TENM1: variants seen among roughly 807,000 people sequenced by gnomAD.
The protein encoded by TENM1 is teneurin transmembrane protein 1, also known as teneurin-1.
TENM1 carries 35 observed loss-of-function variants against 174.8 expected under a neutral mutation model. That is an observed-to-expected ratio of 0.20 (90% CI 0.15 to 0.27). The LOEUF (loss-of-function observed/expected upper bound fraction) is 0.27. Ranked by LOEUF, TENM1 falls within the 10% of genes least tolerant of loss-of-function variation. TENM1 has a pLI of 1.00. For synonymous variants in TENM1, 781 were observed against 798.7 expected (o/e 0.98, Z 0.37); for missense variants, 1,633 against 2,130.1 (o/e 0.77, Z 4.59).
chrX:124,817,437 G>C (rs1212099173), intron 3 of TENM1, among the ~76,000 whole-genome samples: 1 of 111,684 alleles, frequency 9.0e-6, no homozygotes, highest in African/African-American at 3.3e-5. Flanking sequence ...ATGTATTCCT[G>C]AAGCAAGTTA....
At chrX:124,615,015 T>C (rs2050367098) in intron 11 of TENM1, among the ~76,000 whole-genome samples, 1 of 112,226 alleles carries the variant, frequency 8.9e-6, no homozygotes, top group Admixed American at 9.4e-5. Flanking sequence ...AACTATAAAC[T>C]ACCCAATATT....
chrX:125,088,076 T>C, the TENM1 span, among the ~76,000 whole-genome samples: 1 of 111,344 alleles, frequency 9.0e-6, no homozygotes, highest in African/African-American at 3.3e-5. Flanking sequence ...AAGGCCAGCA[T>C]TATCAGTGAT....
At chrX:124,538,643 C>G (rs1266360761) in intron 15 of TENM1, among the ~76,000 whole-genome samples, 1 of 111,486 alleles carries the variant, frequency 9.0e-6, no homozygotes, top group Non-Finnish European at 1.9e-5. Context: ...AGCAAGTAGA[C>G]TTAGAGGTCT....
At chrX:124,685,422 C>T (rs2052336779) in intron 5 of TENM1, among the ~76,000 whole-genome samples, 1 of 111,283 alleles carries the variant, frequency 9.0e-6, no homozygotes, top group African/African-American at 3.3e-5. Context: ...CCATCAACAG[C>T]TTCAACAATA....
rs192647594 is a variant in TENM1 at position 124,933,297 on chromosome X, G to A, written c.217+30240C>T. 1.6e-3 allele frequency among the ~76,000 whole-genome samples: 185 copies of A among 112,208 alleles called. 1 individual carries two copies. Among genetic ancestry groups the A allele is most frequent in the African/African-American group, 5.6e-3 (174 of 30,899 alleles). On this transcript the variant is annotated intron_variant, in intron 1 of 31. Transcript: ENST00000422452. ...GCCAAAAGGCCAGCAGCCAAAGGAA[G>A]AAAGGCACACAAAATACAATTGGGA...
chrX:124,684,747 A>G (rs1324161733), intron 5 of TENM1, among the ~76,000 whole-genome samples: 1 of 111,660 alleles, frequency 9.0e-6, no homozygotes, highest in Non-Finnish European at 1.9e-5. Context: ...ATCCAAACTC[A>G]TCATAGCACA....
At chrX:124,808,030 A>G (rs1270938473) in intron 3 of TENM1, among the ~76,000 whole-genome samples, 1 of 110,995 alleles carries the variant, frequency 9.0e-6, no homozygotes, top group East Asian at 2.8e-4. Context: ...TAGTCAAAAA[A>G]CAGAGTGTCT....
chrX:125,169,706 A>G, the TENM1 span, among the ~76,000 whole-genome samples: 17 of 111,436 alleles, frequency 1.5e-4, no homozygotes, highest in Admixed American at 3.8e-4. Flanking sequence ...TCAGAAACAT[A>G]TAAGAGAAGT....
chrX:124,381,129 C>A, exon 32 of TENM1: 1 of 1,211,322 alleles, frequency 8.3e-7, no homozygotes, highest in Non-Finnish European at 1.1e-6. Flanking sequence ...TCCTTGATGG[C>A]AAATTTTATA....
chrX:124,458,718 A>G, intron 22 of TENM1, among the ~76,000 whole-genome samples: 1 of 111,968 alleles, frequency 8.9e-6, no homozygotes, highest in Admixed American at 9.5e-5. Context: ...TGGGCTAGTT[A>G]ACCAAGAATT....
the TENM1 span, among the ~76,000 whole-genome samples, chrX:125,136,595 G>A: frequency 1.8e-3 from 195 of 111,342 alleles, 1 homozygote; most frequent in South Asian, 8.3e-3. Context: ...CAAACCAGAC[G>A]AACCTAGAAA....
At chrX:124,844,431 T>C (rs1427401885) in intron 3 of TENM1, among the ~76,000 whole-genome samples, 2 of 111,476 alleles carry the variant, frequency 1.8e-5, no homozygotes, top group African/African-American at 6.5e-5. Flanking sequence ...AAGAGGAAGT[T>C]CCCCTTCCGT....
At chrX:124,542,350 C>G (rs1217163036) in intron 15 of TENM1, among the ~76,000 whole-genome samples, 2 of 111,662 alleles carry the variant, frequency 1.8e-5, no homozygotes, top group Non-Finnish European at 3.8e-5. Flanking sequence ...CATTGTACAT[C>G]CTAGGGTGAA....
intron 27 of TENM1, 143 bp downstream of exon 30, chrX:124,404,888 A>T: frequency 1.9e-6 from 1 of 519,307 alleles, no homozygotes; most frequent in Non-Finnish European, 3.3e-6. Context: ...ATATCATATA[A>T]GCCAGTCAGT....
the TENM1 span, among the ~76,000 whole-genome samples, chrX:125,001,085 T>A: frequency 1.8e-5 from 2 of 110,786 alleles, no homozygotes; most frequent in African/African-American, 6.5e-5. Flanking sequence ...TTGTTTTTTT[T>A]TTAATAACTT....
At chrX:124,832,105 CTTAT>C (rs1256107441) in intron 3 of TENM1, among the ~76,000 whole-genome samples, 3 of 111,377 alleles carry the variant, frequency 2.7e-5, no homozygotes, top group Non-Finnish European at 5.7e-5. Flanking sequence ...TGGGGGAGGC[CTTAT>C]TTATTTATTT....
the TENM1 span, among the ~76,000 whole-genome samples, chrX:125,194,530 T>A: frequency 9.0e-6 from 1 of 111,493 alleles, no homozygotes; most frequent in Non-Finnish European, 1.9e-5. Context: ...AAACCCCTTA[T>A]CTCGTTCAGT....
the TENM1 span, among the ~76,000 whole-genome samples, chrX:124,986,375 C>A: frequency 6.0e-3 from 672 of 111,277 alleles, 8 homozygotes; most frequent in African/African-American, 0.021. Flanking sequence ...GACCCTTTAA[C>A]TCTTTCAAGC....
chrX:125,092,765 C>T, the TENM1 span, among the ~76,000 whole-genome samples: 1 of 112,156 alleles, frequency 8.9e-6, no homozygotes, highest in Non-Finnish European at 1.9e-5. Flanking sequence ...GCAACCAACA[C>T]ACAGAACATT....
Sources: gnomAD v4.1 joint callset for allele counts (sites outside exome capture counted in the v4.1 genomes callset) on GRCh38, gnomAD v4.1.1 for gene constraint, MANE v1.5 for transcripts, NCBI Gene and HGNC (gene_info 2026-07-23, HGNC 2026-07-21) for gene names.